The following RPS6KC1 variants were observed in gnomAD, a reference collection of about 807,000 sequenced individuals.
RPS6KC1 encodes the protein inactive ribosomal protein S6 kinase delta-1.
In RPS6KC1, 54 loss-of-function variants were observed where a neutral mutation model predicts 103.8. The observed-to-expected ratio is 0.52, with a 90% CI of 0.42 to 0.65. The LOEUF (loss-of-function observed/expected upper bound fraction) is 0.65, where lower values mean the gene tolerates loss of function less well. Among genes scored for constraint, RPS6KC1 ranks in the 30% least tolerant of loss-of-function variants. The pLI, the probability that RPS6KC1 is intolerant of heterozygous loss-of-function variation, is 0.00. For synonymous variants in RPS6KC1, 439 were observed against 438.7 expected, an observed-to-expected ratio of 1.00 and a Z score of -0.01; for missense variants, 1,151 against 1,253.8, an observed-to-expected ratio of 0.92 and a Z score of 1.24.
At chr1:213,427,751 T>C in the RPS6KC1 span, among the ~76,000 whole-genome samples, 1 of 152,238 alleles carries the variant, frequency 6.6e-6, no homozygotes, top group African/African-American at 2.4e-5. Context: ...AGCAGGTTTT[T>C]CCAAATGTTC....
chr1:213,151,220 T>C (rs2088795515), intron 6 of RPS6KC1, among the ~76,000 whole-genome samples: 2 of 115,066 alleles, frequency 1.7e-5, no homozygotes, highest in Non-Finnish European at 1.8e-5. Context: ...GGCGGGGGGC[T>C]GACCCCCCCA....
chr1:213,072,327 A>G (rs2078962260), intron 2 of RPS6KC1, among the ~76,000 whole-genome samples: 1 of 152,136 alleles, frequency 6.6e-6, no homozygotes, highest in Admixed American at 6.5e-5. Context: ...ATACATTATC[A>G]TTTCTGGCTA....
At chr1:213,748,567 G>A in the RPS6KC1 span, among the ~76,000 whole-genome samples, 2 of 152,228 alleles carry the variant, frequency 1.3e-5, no homozygotes, top group South Asian at 4.1e-4. Flanking sequence ...TCCCAAATAG[G>A]GATATGCCAA....
chr1:213,449,227 G>GCCC, the RPS6KC1 span, among the ~76,000 whole-genome samples: 2 of 148,118 alleles, frequency 1.4e-5, no homozygotes, highest in Non-Finnish European at 3.0e-5. Flanking sequence ...GCCCCACCAA[G>GCCC]CCCCAGTACC....
chr1:213,358,771 G>T, the RPS6KC1 span, among the ~76,000 whole-genome samples: 3 of 152,080 alleles, frequency 2.0e-5, no homozygotes. Context: ...GTTCTCGTTG[G>T]TTTCAAAGAA....
chr1:213,328,543 A>ATATAT, the RPS6KC1 span, among the ~76,000 whole-genome samples: 1,032 of 88,036 alleles, frequency 0.012, 4 homozygotes, highest in Middle Eastern at 0.024. Context: ...TATATATATC[A>ATATAT]CACACACACG....
At chr1:213,276,446 TG>T (rs1338985810), downstream of RPS6KC1, among the ~76,000 whole-genome samples, 2 of 152,234 alleles carry the variant, frequency 1.3e-5, no homozygotes, top group Non-Finnish European at 2.9e-5. Context: ...AGTGGTGTCC[TG>T]GTCATGTCTC....
chr1:213,332,627 A>G, the RPS6KC1 span, among the ~76,000 whole-genome samples: 1 of 152,146 alleles, frequency 6.6e-6, no homozygotes, highest in Admixed American at 6.5e-5. Context: ...CTTCAACACC[A>G]TTTAGTCAGC....
chr1:213,648,558 C>T, the RPS6KC1 span, among the ~76,000 whole-genome samples: 1 of 152,158 alleles, frequency 6.6e-6, no homozygotes, highest in Non-Finnish European at 1.5e-5. Flanking sequence ...ACCCACTGGG[C>T]TTTGTAAGCC....
chr1:213,069,694 T>A (rs970156341), intron 1 of RPS6KC1, among the ~76,000 whole-genome samples: 7 of 152,192 alleles, frequency 4.6e-5, no homozygotes, highest in Admixed American at 2.0e-4. Flanking sequence ...AAATTTTTTT[T>A]AAAGTGAAAG....
the RPS6KC1 span, among the ~76,000 whole-genome samples, chr1:213,582,413 G>A: frequency 3.3e-5 from 5 of 152,022 alleles, no homozygotes; most frequent in African/African-American, 1.2e-4. Flanking sequence ...ACTACTATTT[G>A]TCAAAACACC....
chr1:213,159,899 T>G (rs1248148657), intron 6 of RPS6KC1, among the ~76,000 whole-genome samples: 3 of 152,226 alleles, frequency 2.0e-5, no homozygotes, highest in Non-Finnish European at 4.4e-5. Flanking sequence ...AATGTGGATA[T>G]CTACGATTAT....
the RPS6KC1 span, among the ~76,000 whole-genome samples, chr1:213,685,709 T>G: frequency 6.6e-6 from 1 of 151,918 alleles, no homozygotes; most frequent in South Asian, 2.1e-4. Flanking sequence ...TAAGGTAGCA[T>G]ATATGAAAGT....
At chr1:213,630,079 A>G in the RPS6KC1 span, among the ~76,000 whole-genome samples, 23 of 152,216 alleles carry the variant, frequency 1.5e-4, no homozygotes, top group African/African-American at 5.3e-4. Flanking sequence ...TGCTCTTCTC[A>G]AGGAGTATCT....
the RPS6KC1 span, among the ~76,000 whole-genome samples, chr1:213,628,340 C>G: frequency 2.6e-5 from 4 of 152,112 alleles, no homozygotes; most frequent in African/African-American, 9.7e-5. Flanking sequence ...TGCTAGCGGT[C>G]TATCAATTTT....
At chr1:213,599,084 A>G in the RPS6KC1 span, among the ~76,000 whole-genome samples, 1 of 152,166 alleles carries the variant, frequency 6.6e-6, no homozygotes, top group South Asian at 2.1e-4. Flanking sequence ...ATTTCACGCA[A>G]TCAAAATGTA....
chr1:213,442,923 C>T, the RPS6KC1 span, among the ~76,000 whole-genome samples: 2 of 151,754 alleles, frequency 1.3e-5, no homozygotes, highest in African/African-American at 4.8e-5. Flanking sequence ...AGTGGGCACC[C>T]AAAACCTACT....
the RPS6KC1 span, among the ~76,000 whole-genome samples, chr1:213,749,263 G>C: frequency 5.8e-3 from 890 of 152,260 alleles, 3 homozygotes; most frequent in South Asian, 9.1e-3. Flanking sequence ...AGTGTTTGGC[G>C]GGCAGAAGGA....
the RPS6KC1 span, among the ~76,000 whole-genome samples, chr1:213,850,828 C>T: frequency 2.5e-4 from 38 of 150,126 alleles, 1 homozygote; most frequent in East Asian, 7.3e-3. Context: ...TATAAAAACT[C>T]TGTGGATTCT....
Sources: allele counts gnomAD v4.1 joint callset (sites outside exome capture counted in the v4.1 genomes callset), GRCh38; gene constraint gnomAD v4.1.1; transcripts MANE v1.5; gene names NCBI Gene and HGNC (gene_info 2026-07-23, HGNC 2026-07-21).